The following WDR17 variants were observed in gnomAD, a reference collection of about 807,000 sequenced individuals.
The protein encoded by WDR17 is WD repeat domain 17, also known as WD repeat-containing protein 17.
A neutral mutation model predicts 161.7 loss-of-function variants in WDR17; 143 were observed. That is an observed-to-expected ratio of 0.88 (90% CI 0.77 to 1.02). The LOEUF (loss-of-function observed/expected upper bound fraction) is 1.02. Ranked by LOEUF, WDR17 falls within the 50% of genes least tolerant of loss-of-function variation. The probability of loss-of-function intolerance (pLI) is 0.00; values close to 1 mark genes in which losing one functional copy is unlikely to be tolerated. For missense variants in WDR17, 1,469 were observed against 1,520.9 expected, an observed-to-expected ratio of 0.97 and a Z score of 0.57; for synonymous variants, 517 against 515.6, an observed-to-expected ratio of 1.00 and a Z score of -0.04.
chr4:176,098,888 C>G (rs1193957130), intron 1 of WDR17, among the ~76,000 whole-genome samples: 5 of 151,690 alleles, frequency 3.3e-5, no homozygotes, highest in Non-Finnish European at 5.9e-5. Flanking sequence ...TTATTTGACT[C>G]TGAATTTTAA....
At position 176,173,356 on chromosome 4, in the gene WDR17, C is replaced by T; in HGVS notation, c.3334C>T (p.His1112Tyr). 6.2e-7 allele frequency: 1 copy of T among 1,608,832 alleles called. No individual in the cohort carries two copies. The highest frequency in any genetic ancestry group is 2.2e-5 in the East Asian group (1 of 44,726). ...SYIRTEKLLL[H>Y]TCTEARNELL... ...TATTCGTACTGAAAAATTACTCTTG[C>T]ATACGTGTACTGAGTGAGTATTTTT... The change falls in exon 25 of 29, where the codon CAT becomes TAT. Residue 1112 changes from histidine to tyrosine, a missense_variant. His to Tyr is a moderately conservative substitution (Grantham distance 83). Coordinates refer to ENST00000508596, the MANE Select transcript of WDR17 (RefSeq NM_181265.4).
intron 1 of WDR17, among the ~76,000 whole-genome samples, chr4:176,097,692 GT>G (rs1221213422): frequency 6.6e-6 from 1 of 150,900 alleles, no homozygotes; most frequent in Non-Finnish European, 1.5e-5. Flanking sequence ...CAGCTTATGA[GT>G]TTAATAGTAA....
At chr4:176,081,773 T>C (rs1734776523) in intron 1 of WDR17, among the ~76,000 whole-genome samples, 1 of 152,144 alleles carries the variant, frequency 6.6e-6, no homozygotes, top group Non-Finnish European at 1.5e-5. Flanking sequence ...AGATTTCCAC[T>C]TGTATCTCCT....
chr4:176,148,071 TG>T, intron 12 of WDR17, 61 bp from the exon 13 acceptor site: 1 of 1,430,662 alleles, frequency 7.0e-7, no homozygotes, highest in Non-Finnish European at 9.7e-7. Flanking sequence ...ATTAAGAATA[TG>T]TTAATACTCT....
Position 176,172,529 on chromosome 4 carries a change from T to G in WDR17, c.3244+13T>G, listed in dbSNP as rs76244394. ...AGCTTTGTTAAAGGTAAGTAATTAG[T>G]TGGTAGTAGAATTTTAAATATACTC... On this transcript the variant is annotated intron_variant, in intron 24 of 28. Coordinates refer to ENST00000508596, the MANE Select transcript of WDR17 (RefSeq NM_181265.4). 46 of 1,568,570 alleles carry G rather than the reference T, an allele frequency of 2.9e-5. No homozygotes were observed. In the African/African-American group the frequency reaches 6.0e-4, roughly 20 times the overall value.
intron 1 of WDR17, among the ~76,000 whole-genome samples, chr4:176,100,020 T>C (rs1737562800): frequency 6.6e-6 from 1 of 152,224 alleles, no homozygotes; most frequent in South Asian, 2.1e-4. Flanking sequence ...AGCTTTGCTA[T>C]TGCAAATAGT....
At chr4:176,141,568 C>T (rs1332182395) in intron 10 of WDR17, among the ~76,000 whole-genome samples, 2 of 151,914 alleles carry the variant, frequency 1.3e-5, no homozygotes, top group Non-Finnish European at 2.9e-5. Context: ...TAGCTGAGAC[C>T]ACAGGTGTGC....
chr4:176,135,177 T>C lies in WDR17; in HGVS notation c.1168T>C (p.Phe390Leu), dbSNP rs750002740. The C allele has an allele frequency of 6.2e-7, 1 of 1,612,374 alleles. No homozygotes were observed. The highest frequency in any genetic ancestry group is 2.2e-5 in the East Asian group (1 of 44,786). ...DDPNLLATAS[F>L]DGTIKVWDIN... ...TCCTAATCTTTTAGCAACAGCTTCA[T>C]TTGATGGCACTATAAAAGTCTGGGA... The change falls in exon 8 of 29, where the codon TTT (phenylalanine) becomes CTT (leucine). Residue 390 changes from phenylalanine (F) to leucine (L), a missense_variant. Transcript: ENST00000508596.
chr4:176,083,489 T>C (rs1281361952), intron 1 of WDR17, among the ~76,000 whole-genome samples: 1 of 152,156 alleles, frequency 6.6e-6, no homozygotes, highest in Non-Finnish European at 1.5e-5. Flanking sequence ...CTGGCTTCTT[T>C]CATTATTTGT....
At chr4:176,158,990 A>C (rs1205756836) in intron 18 of WDR17, among the ~76,000 whole-genome samples, 1 of 152,226 alleles carries the variant, frequency 6.6e-6, no homozygotes, top group Admixed American at 6.5e-5. Flanking sequence ...TAGTAAAAAC[A>C]TAGCTGTTGA....
chr4:176,094,687 A>G (rs921103135), intron 1 of WDR17, among the ~76,000 whole-genome samples: 49 of 152,228 alleles, frequency 3.2e-4, no homozygotes, highest in Admixed American at 3.0e-3. Flanking sequence ...TAGTGGCATT[A>G]GTAATGAAGA....
In WDR17 at chr4:176,135,164, A is replaced by C. The variant is rs762474501; in HGVS notation, c.1155A>C (p.Leu385Phe). 6.2e-7 allele frequency: 1 copy of C among 1,612,408 alleles called. No homozygotes were observed. The highest frequency in any genetic ancestry group is 1.3e-5 in the African/African-American group (1 of 74,982). ...CKFKPDDPNLLATASFDGTIK... is the reference protein window; with the variant it reads ...CKFKPDDPNLFATASFDGTIK... ...TCAAACCTGACGATCCTAATCTTTT[A>C]GCAACAGCTTCATTTGATGGCACTA... Residue 385 changes from leucine (L) to phenylalanine (F), a missense_variant, in exon 8 of 29, where the codon TTA becomes TTC. Coordinates refer to ENST00000508596, the MANE Select transcript of WDR17 (RefSeq NM_181265.4).
intron 3 of WDR17, among the ~76,000 whole-genome samples, chr4:176,117,699 TGATGA>T (rs1264193259): frequency 6.6e-6 from 1 of 152,116 alleles, no homozygotes; most frequent in East Asian, 1.9e-4. Context: ...AGTCCCAGAA[TGATGA>T]GATAATTGTG....
At chr4:176,091,798 T>C (rs776431731) in intron 1 of WDR17, among the ~76,000 whole-genome samples, 2 of 152,110 alleles carry the variant, frequency 1.3e-5, no homozygotes, top group Non-Finnish European at 2.9e-5. Context: ...TTACAACTGA[T>C]ACTACAGAAA....
At chr4:176,152,111 A>G (rs1006375216) in intron 17 of WDR17, 144 bp downstream of exon 17, 7 of 717,328 alleles carry the variant, frequency 9.8e-6, no homozygotes, top group Non-Finnish European at 1.5e-5. Flanking sequence ...GGAGTTCGAT[A>G]CTAGCCTGAG....
intron 9 of WDR17, among the ~76,000 whole-genome samples, chr4:176,139,420 A>G (rs571733399): frequency 5.9e-5 from 9 of 152,086 alleles, no homozygotes; most frequent in Admixed American, 4.6e-4. Context: ...CATGAAATCT[A>G]TTCTGATTTC....
chr4:176,163,278 T>A lies in WDR17; in HGVS notation c.2975T>A (p.Met992Lys). 1 of 1,609,600 alleles carries A rather than the reference T, an allele frequency of 6.2e-7. No homozygotes were observed. Among genetic ancestry groups the A allele is most frequent in the Non-Finnish European group, 8.5e-7 (1 of 1,178,564 alleles). ...TTAGAATTACTGGCGAGAAAGTGCA[T>A]GATGATTTCAGTATGGTAAGAATTT... is the stretch of plus-strand genomic sequence containing the variant. ...YALELLARKCMMISVWNLAAD... is the reference protein window; with the variant it reads ...YALELLARKCKMISVWNLAAD... Residue 992 changes from methionine to lysine, a missense_variant, in exon 22 of 29, where the codon ATG becomes AAG. By Grantham distance (95) the Met-to-Lys change is moderately conservative. Coordinates refer to ENST00000508596, the MANE Select transcript of WDR17 (RefSeq NM_181265.4).
At position 176,108,805 on chromosome 4, in the gene WDR17, T is replaced by C. The variant is rs183869546; in HGVS notation, c.-6-2770T>C. ...AATTTTAAAATGACTTTTGTTTATT[T>C]ATTTATTTGAGACTTGCTGTGTCTC... On this transcript the variant is annotated intron_variant, in intron 1 of 28. Transcript: ENST00000508596. Among the ~76,000 whole-genome samples the C allele has an allele frequency of 7.9e-4, 121 of 152,306 alleles. 2 individuals are homozygous for C. The highest frequency in any genetic ancestry group is 2.7e-3 in the African/African-American group (113 of 41,562).
At chr4:176,078,703 T>C (rs1194584688) in intron 1 of WDR17, among the ~76,000 whole-genome samples, 2 of 152,128 alleles carry the variant, frequency 1.3e-5, no homozygotes, top group Non-Finnish European at 2.9e-5. Flanking sequence ...CCAATTCTAC[T>C]CATATTTTGA....
Sources: gnomAD v4.1 joint callset for allele counts (sites outside exome capture counted in the v4.1 genomes callset) on GRCh38, gnomAD v4.1.1 for gene constraint, MANE v1.5 for transcripts, NCBI Gene and HGNC (gene_info 2026-07-23, HGNC 2026-07-21) for gene names.